Variants in FARP1 observed in about 807,000 individuals in gnomAD.
FARP1 encodes the protein FERM, ARHGEF and pleckstrin domain-containing protein 1.
In FARP1, 52 loss-of-function variants were observed where a neutral mutation model predicts 128.8. That is an observed-to-expected ratio of 0.40 (90% CI 0.32 to 0.51). FARP1 has a LOEUF of 0.51. FARP1 is among the 20% of genes least tolerant of loss of function. FARP1 has a pLI of 0.45. For synonymous variants in FARP1, 580 were observed against 551.8 expected (o/e 1.05, Z -0.72); for missense variants, 1,333 against 1,367.9 (o/e 0.97, Z 0.40).
At chr13:98,204,709 C>T in intron 1 of FARP1, among the ~76,000 whole-genome samples, 1 of 152,074 alleles carries the variant, frequency 6.6e-6, no homozygotes, top group Non-Finnish European at 1.5e-5. Flanking sequence ...GCCTGTAGTC[C>T]CAGCACTTTG....
At chr13:98,421,178 A>G (rs989561948) in intron 16 of FARP1, among the ~76,000 whole-genome samples, 2 of 152,244 alleles carry the variant, frequency 1.3e-5, no homozygotes, top group Non-Finnish European at 2.9e-5. Flanking sequence ...CTTCTCTACC[A>G]TGAACGATGC....
chr13:98,176,223 C>A lies in FARP1; in HGVS notation c.-24+32731C>A. On this transcript the variant is annotated intron_variant, in intron 1 of 26. Transcript: ENST00000319562. This position sits in a 1 kb window ranked among gnomAD's most constrained non-coding sequence, Gnocchi z 6.2. ...TTTAAATGTGAGAATTATGGGAAAC[C>A]TAAGCCATGGGAATTGGACACTCAT... 6.2e-7 allele frequency: 1 copy of A among 1,608,542 alleles called. No homozygotes were observed. Among genetic ancestry groups the A allele is most frequent in the Non-Finnish European group, 8.5e-7 (1 of 1,175,518 alleles).
chr13:98,162,480 T>G (rs890553222), intron 1 of FARP1, among the ~76,000 whole-genome samples: 1 of 152,190 alleles, frequency 6.6e-6, no homozygotes, highest in Non-Finnish European at 1.5e-5. Flanking sequence ...TCATTAAATC[T>G]TTGTTGAAGA....
chr13:98,254,233 T>G (rs1341521378), intron 2 of FARP1, among the ~76,000 whole-genome samples: 3 of 152,224 alleles, frequency 2.0e-5, no homozygotes, highest in Admixed American at 1.3e-4. Context: ...ATTATTGGTG[T>G]TTGTGTCATT....
At chr13:98,264,441 C>G (rs1194515184) in intron 2 of FARP1, among the ~76,000 whole-genome samples, 2 of 152,204 alleles carry the variant, frequency 1.3e-5, no homozygotes, top group Non-Finnish European at 2.9e-5. Flanking sequence ...GCTGTCCGTG[C>G]TCCCCGTCCG....
At chr13:98,260,880 C>A (rs980762743) in intron 2 of FARP1, among the ~76,000 whole-genome samples, 14 of 152,180 alleles carry the variant, frequency 9.2e-5, no homozygotes, top group African/African-American at 3.4e-4. Context: ...GGACACAATT[C>A]CAAATCCCAG....
Position 98,379,182 on chromosome 13 carries a change from T to TATATATATAATATATAATCTATATATA in FARP1, c.496+1271_496+1272insTAATATATAATCTATATATAATATATA, listed in dbSNP as rs1566935321. Among the ~76,000 whole-genome samples, 4 of 74,340 alleles carry TATATATATAATATATAATCTATATATA rather than the reference T, an allele frequency of 5.4e-5. 1 individual carries two copies. In the East Asian group the frequency reaches 2.0e-3, roughly 37 times the overall value. 48.8% of individuals were successfully genotyped at this position (74,340 alleles called of 152,430 possible). A position where few individuals can be genotyped will look rare whatever the true frequency, so the allele number is the denominator to read the frequency against. ...TATATAATATATAATCTATATATAA[T>TATATATATAATATATAATCTATATATA]ATATATAATATATAATATATATATA... is the stretch of plus-strand genomic sequence containing the variant. On this transcript the variant is annotated intron_variant, in intron 6 of 26. Transcript: ENST00000319562.
chr13:98,303,143 C>T (rs868559227), intron 2 of FARP1, among the ~76,000 whole-genome samples: 3 of 152,144 alleles, frequency 2.0e-5, no homozygotes, highest in East Asian at 1.9e-4. Flanking sequence ...CACATGATGA[C>T]GTGTTGTTTG....
chr13:98,167,182 A>G (rs1278692066), intron 1 of FARP1, among the ~76,000 whole-genome samples: 6 of 152,104 alleles, frequency 3.9e-5, no homozygotes, highest in Non-Finnish European at 7.4e-5. Context: ...GAGGTTGCAA[A>G]TATTTTTCTT....
At chr13:98,365,530 A>G in intron 4 of FARP1, 93 bp downstream of exon 4, 1 of 838,178 alleles carries the variant, frequency 1.2e-6, no homozygotes, top group Non-Finnish European at 1.9e-6. Context: ...ATGAAGCACT[A>G]GAAACACAAA....
At chr13:98,275,411 G>A (rs1379654559) in intron 2 of FARP1, among the ~76,000 whole-genome samples, 1 of 150,884 alleles carries the variant, frequency 6.6e-6, no homozygotes, top group Non-Finnish European at 1.5e-5. Context: ...ATATATGTAG[G>A]TGAAACAGGA....
chr13:98,387,394 A>G (rs1890135156), intron 8 of FARP1, among the ~76,000 whole-genome samples: 1 of 152,224 alleles, frequency 6.6e-6, no homozygotes, highest in Admixed American at 6.5e-5. Context: ...TTAAGAAGGA[A>G]AAGAAGTGTC....
At chr13:98,356,688 G>A (rs1888659465) in intron 3 of FARP1, among the ~76,000 whole-genome samples, 1 of 151,104 alleles carries the variant, frequency 6.6e-6, no homozygotes, top group Admixed American at 6.6e-5. Context: ...GCCCAGGCTA[G>A]AGTGTAGTGG....
intron 2 of FARP1, among the ~76,000 whole-genome samples, chr13:98,264,893 C>T (rs1362883776): frequency 3.9e-5 from 6 of 152,166 alleles, no homozygotes; most frequent in Non-Finnish European, 7.3e-5. Flanking sequence ...ATTCTATAGT[C>T]TCAGGCATTA....
intron 19 of FARP1, chr13:98,437,877 T>G (rs1313673937): frequency 6.5e-7 from 1 of 1,543,220 alleles, no homozygotes; most frequent in Non-Finnish European, 8.8e-7. Flanking sequence ...GGAATTGGGG[T>G]ACTCCTTCCT....
At chr13:98,327,458 T>C (rs539459595) in intron 2 of FARP1, among the ~76,000 whole-genome samples, 10 of 152,328 alleles carry the variant, frequency 6.6e-5, no homozygotes, top group Non-Finnish European at 1.2e-4. Context: ...AAGATAAGGC[T>C]TCATAACAAG....
chr13:98,378,716 G>A (rs1402386474), intron 6 of FARP1, among the ~76,000 whole-genome samples: 2 of 151,262 alleles, frequency 1.3e-5, no homozygotes, highest in African/African-American at 4.9e-5. Flanking sequence ...TCTCTCAGTA[G>A]TCAAAAAGTT....
At chr13:98,282,277 G>T (rs1884972134) in intron 2 of FARP1, among the ~76,000 whole-genome samples, 2 of 152,046 alleles carry the variant, frequency 1.3e-5, no homozygotes, top group Non-Finnish European at 2.9e-5. Context: ...GACAGAGTGG[G>T]ACCCTGTCTC....
intron 24 of FARP1, among the ~76,000 whole-genome samples, chr13:98,442,804 G>A (rs1892583025): frequency 6.6e-6 from 1 of 152,240 alleles, no homozygotes; most frequent in South Asian, 2.1e-4. Flanking sequence ...GCCAGTCGAT[G>A]TGTGGCGCCG....
Sources: gnomAD v4.1 joint callset for allele counts (sites outside exome capture counted in the v4.1 genomes callset) on GRCh38, gnomAD v4.1.1 for gene constraint, Gnocchi (gnomAD v3.1) non-coding constraint, MANE v1.5 for transcripts, NCBI Gene and HGNC (gene_info 2026-07-23, HGNC 2026-07-21) for gene names.